Variants in SSPN observed in about 807,000 individuals in gnomAD.
SSPN encodes sarcospan, also known as K-ras oncogene-associated protein.
A neutral mutation model predicts 19.1 loss-of-function variants in SSPN; 15 were observed. That is an observed-to-expected ratio of 0.78 (90% confidence interval 0.52 to 1.21). The LOEUF is 1.21. SSPN is among the 50% of genes most tolerant of loss of function. SSPN has a pLI of 0.00. For synonymous variants in SSPN, 147 were observed against 140.3 expected, an observed-to-expected ratio of 1.05 and a Z score of -0.34; for missense variants, 291 against 314.0, an observed-to-expected ratio of 0.93 and a Z score of 0.55.
At position 26,232,614 on chromosome 12, in the gene SSPN, A is replaced by C. The variant is rs1037196479; in HGVS notation, c.*1538A>C. On this transcript the variant is annotated 3_prime_UTR_variant, in exon 3 of 3. Coordinates refer to ENST00000242729, the MANE Select transcript of SSPN (RefSeq NM_005086.5). The stretch of plus-strand genomic sequence containing the variant: ...TGCTTGTCTTAGAAGAAAGTGGAAT[A>C]ATTCCACTGATTGTGATAATGGTTT... 8.1e-6 allele frequency: 8 copies of C among 984,942 alleles called. No individual in the cohort carries two copies. Among genetic ancestry groups the C allele is most frequent in the Non-Finnish European group, 8.4e-6 (7 of 829,470 alleles). 61.0% of individuals were successfully genotyped at this position (984,942 alleles called of 1,614,324 possible).
intron 1 of SSPN, chr12:26,214,916 G>T (rs192428989): frequency 6.6e-6 from 1 of 152,014 alleles, no homozygotes; most frequent in Non-Finnish European, 1.5e-5. Flanking sequence ...ATTGGGGGAA[G>T]CTGATTCAAT....
chr12:26,142,405 C>T (rs563506585), intron 1 of SSPN, among the ~76,000 whole-genome samples: 1 of 152,160 alleles, frequency 6.6e-6, no homozygotes, highest in East Asian at 1.9e-4. Context: ...TTTAGAGGTG[C>T]GTTCCATGGG....
At chr12:26,202,217 C>G (rs945705394) in intron 1 of SSPN, among the ~76,000 whole-genome samples, 1 of 152,082 alleles carries the variant, frequency 6.6e-6, no homozygotes, top group Non-Finnish European at 1.5e-5. Context: ...CTTTTTTTAT[C>G]CAAATGTTTT....
At chr12:26,125,146 C>T in intron 1 of SSPN, 3 of 314,810 alleles carry the variant, frequency 9.5e-6, no homozygotes, top group Non-Finnish European at 1.2e-5. Context: ...CCGGGCCGGG[C>T]GGGGGCGTCG....
chr12:26,171,648 T>C (rs1002865635), intron 1 of SSPN, among the ~76,000 whole-genome samples: 10 of 152,120 alleles, frequency 6.6e-5, no homozygotes, highest in Non-Finnish European at 1.3e-4. Flanking sequence ...CAAAGAACTA[T>C]AGTTATTTTT....
intron 1 of SSPN, chr12:26,122,987 G>A (rs1482823359): frequency 6.4e-7 from 1 of 1,566,010 alleles, no homozygotes; most frequent in Admixed American, 1.9e-5. Flanking sequence ...ACAGCTGCGG[G>A]GTGGGCAAGA....
chr12:26,195,843 C>T lies in SSPN; in HGVS notation c.171C>T (p.Ala57=), dbSNP rs1373238387. 1.3e-6 allele frequency: 2 copies of T among 1,546,434 alleles called. No homozygotes were observed. The highest frequency in any genetic ancestry group is 5.0e-5 in the East Asian group (2 of 39,604). The change falls in exon 1 of 3, where the codon GCC becomes GCT. Residue 57 remains alanine (A), a synonymous_variant. Coordinates refer to ENST00000242729, the MANE Select transcript of SSPN (RefSeq NM_005086.5). ...CCGCRFPLLL[A]LLQLALGIAV... ...GCTGCCGGTTCCCGCTGCTGCTCGC[C>T]CTGCTGCAGCTGGCCCTGGGCATCG...
chr12:26,219,157 GC>G, intron 1 of SSPN, among the ~76,000 whole-genome samples: 1 of 152,266 alleles, frequency 6.6e-6, no homozygotes, highest in Admixed American at 6.5e-5. Context: ...ACCCTGTCAA[GC>G]AGCTCTGTTG....
chr12:26,165,157 A>T (rs1056550237), intron 1 of SSPN, among the ~76,000 whole-genome samples: 1 of 152,248 alleles, frequency 6.6e-6, no homozygotes, highest in African/African-American at 2.4e-5. Flanking sequence ...AACAGGAAGT[A>T]TACCTTTTTC....
chr12:26,209,677 C>T (rs775559649), intron 1 of SSPN, among the ~76,000 whole-genome samples: 9 of 151,962 alleles, frequency 5.9e-5, no homozygotes, highest in Non-Finnish European at 1.2e-4. Flanking sequence ...GCTTTAAAAA[C>T]TGTCCTGTTC....
At chr12:26,168,847 G>C (rs1263892033) in intron 1 of SSPN, among the ~76,000 whole-genome samples, 2 of 152,146 alleles carry the variant, frequency 1.3e-5, no homozygotes, top group Non-Finnish European at 2.9e-5. Flanking sequence ...CTGTGCCCTT[G>C]ACATGCCACA....
rs1051564036 is a variant in SSPN at position 26,232,529 on chromosome 12, A to C, written c.*1453A>C. On this transcript the variant is annotated 3_prime_UTR_variant, in exon 3 of 3. Transcript: ENST00000242729. ...AATTGAGTTCAATTCGCCTCTCCGC[A>C]TTGCCTATTGATACACTTTACTAAT... 1.2e-5 allele frequency: 12 copies of C among 985,282 alleles called. No homozygotes were observed. Among genetic ancestry groups the C allele is most frequent in the Non-Finnish European group, 1.4e-5 (12 of 829,920 alleles). 61.0% of individuals were successfully genotyped at this position (985,282 alleles called of 1,614,324 possible). A position where few individuals can be genotyped will look rare whatever the true frequency, so the allele number is the denominator to read the frequency against.
At chr12:26,152,632 A>G (rs553781886) in intron 1 of SSPN, among the ~76,000 whole-genome samples, 1 of 152,288 alleles carries the variant, frequency 6.6e-6, no homozygotes, top group South Asian at 2.1e-4. Flanking sequence ...AATTGTTCTC[A>G]TCACCCTCAC....
intron 1 of SSPN, among the ~76,000 whole-genome samples, chr12:26,205,190 C>T (rs1159983813): frequency 6.6e-6 from 1 of 152,182 alleles, no homozygotes; most frequent in African/African-American, 2.4e-5. Flanking sequence ...TGCCGTGGTA[C>T]TGAGAGAGGT....
At chr12:26,160,851 C>T (rs55804516) in intron 1 of SSPN, among the ~76,000 whole-genome samples, 26,469 of 151,924 alleles carry the variant, frequency 0.17, 2,331 homozygotes, top group South Asian at 0.26. Context: ...CTCACGCCTG[C>T]AATCCCAGCA....
At chr12:26,194,893 G>A (rs2137455181), upstream of SSPN, among the ~76,000 whole-genome samples, 1 of 152,318 alleles carries the variant, frequency 6.6e-6, no homozygotes, top group Middle Eastern at 3.4e-3. Flanking sequence ...TGGAGACTGA[G>A]GAGAGAGAAG....
chr12:26,225,519 T>G (rs1311658401), intron 2 of SSPN, among the ~76,000 whole-genome samples: 1 of 152,208 alleles, frequency 6.6e-6, no homozygotes, highest in African/African-American at 2.4e-5. Context: ...GCAGTTTTTC[T>G]CTAATTTTGA....
Position 26,232,059 on chromosome 12 carries a change from CAA to C in SSPN, c.*984_*985del, listed in dbSNP as rs1945240161. Reference sequence around the variant, plus strand: ...TTAAAAACACCCATTTAAACAAAAACAAGAGCATTTGTAATAGGAAGTGTTTA... The same window carrying C: ...TTAAAAACACCCATTTAAACAAAAACGAGCATTTGTAATAGGAAGTGTTTA... On this transcript the variant is annotated 3_prime_UTR_variant, in exon 3 of 3. Transcript: ENST00000242729. 2.0e-6 allele frequency: 2 copies of C among 985,300 alleles called. No homozygotes were observed. The highest frequency in any genetic ancestry group is 1.7e-5 in the African/African-American group (1 of 57,330). The allele number at this position is 985,300 out of a possible 1,614,324, so 61.0% of individuals were successfully genotyped here.
intron 1 of SSPN, among the ~76,000 whole-genome samples, chr12:26,163,464 A>G (rs974788696): frequency 3.3e-5 from 5 of 152,170 alleles, no homozygotes; most frequent in Non-Finnish European, 7.4e-5. Context: ...AAGAATAGAA[A>G]TTTATTTCTC....
Sources: allele counts gnomAD v4.1 joint callset (sites outside exome capture counted in the v4.1 genomes callset), GRCh38; gene constraint gnomAD v4.1.1; transcripts MANE v1.5; gene names NCBI Gene and HGNC (gene_info 2026-07-23, HGNC 2026-07-21).